BRCA2: variants seen among roughly 807,000 people sequenced by gnomAD.
The protein encoded by BRCA2 is BRCA2 DNA repair associated.
Under a neutral mutation model 276.7 loss-of-function variants are expected in BRCA2, and 203 were observed. The observed-to-expected ratio is 0.73, with a 90% CI of 0.65 to 0.82. The LOEUF (loss-of-function observed/expected upper bound fraction) is 0.82. Among genes scored for constraint, BRCA2 ranks in the 40% least tolerant of loss-of-function variants. BRCA2 has a pLI of 0.00. For synonymous variants in BRCA2, 1,289 were observed against 1,338.4 expected, an observed-to-expected ratio of 0.96 and a Z score of 0.81; for missense variants, 3,920 against 3,915.0, an observed-to-expected ratio of 1.00 and a Z score of -0.03.
chr13:32,358,154 A>G (rs1003004539), intron 16 of BRCA2, among the ~76,000 whole-genome samples: 2 of 152,194 alleles, frequency 1.3e-5, no homozygotes, highest in Admixed American at 1.3e-4. Context: ...CATTTTTCTT[A>G]GGCATTTATA....
Position 32,338,366 on chromosome 13 carries a change from T to G in BRCA2, c.4011T>G (p.Asp1337Glu), listed in dbSNP as rs2072493596. ...ASRNSHNLEF[D>E]GSDSSKNDTV... ...GAAATTCTCATAACTTAGAATTTGA[T>G]GGCAGTGATTCAAGTAAAAATGATA... Residue 1337 changes from aspartate to glutamate, a missense_variant, in exon 11 of 27, where the codon GAT becomes GAG. Physicochemically the swap from Asp to Glu is conservative, Grantham distance 45 (BLOSUM62 2). Transcript: ENST00000380152. 1 of 1,588,034 alleles carries G rather than the reference T, an allele frequency of 6.3e-7. No individual in the cohort carries two copies. The highest frequency in any genetic ancestry group is 8.5e-7 in the Non-Finnish European group (1 of 1,169,686).
chr13:32,373,588 A>G (rs753250472), intron 20 of BRCA2, among the ~76,000 whole-genome samples: 28 of 152,314 alleles, frequency 1.8e-4, no homozygotes, highest in Non-Finnish European at 2.4e-4. Context: ...TTAAAGCTCT[A>G]AAATCTCCTT....
chr13:32,394,424 T>C (rs887367901), intron 24 of BRCA2, among the ~76,000 whole-genome samples: 2 of 152,240 alleles, frequency 1.3e-5, no homozygotes, highest in African/African-American at 4.8e-5. Context: ...CACAAATCTG[T>C]ACTCCTGTTA....
At chr13:32,316,130 C>T (rs1404639384) in intron 1 of BRCA2, among the ~76,000 whole-genome samples, 2 of 151,406 alleles carry the variant, frequency 1.3e-5, no homozygotes, top group African/African-American at 2.5e-5. Flanking sequence ...AACTGGAGCC[C>T]TCTGTCCCCA....
At position 32,365,919 on chromosome 13, in the gene BRCA2, T is replaced by C. The variant is rs2072778871; in HGVS notation, c.8331+2386T>C. 2.0e-5 allele frequency among the ~76,000 whole-genome samples: 3 copies of C among 151,696 alleles called. 1 individual carries two copies. Among genetic ancestry groups the C allele is most frequent in the South Asian group, 4.1e-4 (2 of 4,820 alleles). The stretch of plus-strand genomic sequence containing the variant: ...TGATGTTTGGACACTAGGCCTCCTA[T>C]ATTGTTCCTATAATTTTCTTGTCTT... On this transcript the variant is annotated intron_variant, in intron 18 of 26. Transcript: ENST00000380152.
rs397507354 is a variant in BRCA2, at chr13:32,339,930, A to G, written c.5575A>G (p.Ile1859Val). 1 of 1,606,734 alleles carries G rather than the reference A, an allele frequency of 6.2e-7. No individual in the cohort carries two copies. Among genetic ancestry groups the G allele is most frequent in the Non-Finnish European group, 8.5e-7 (1 of 1,176,420 alleles). The change falls in exon 11 of 27, where the codon ATT (isoleucine) becomes GTT (valine). Residue 1859 changes from isoleucine (I) to valine (V), a missense_variant. Physicochemically the swap from Ile to Val is conservative, Grantham distance 29. Coordinates refer to ENST00000380152, the MANE Select transcript of BRCA2 (RefSeq NM_000059.4). ...GKIVCVSHETIKKVKDIFTDS... is the reference protein window; with the variant it reads ...GKIVCVSHETVKKVKDIFTDS... ...AATCGTTTGTGTTTCACATGAAACA[A>G]TTAAAAAAGTGAAAGACATATTTAC...
chr13:32,319,644 T>C (rs950355854), intron 3 of BRCA2, among the ~76,000 whole-genome samples: 1 of 152,184 alleles, frequency 6.6e-6, no homozygotes, highest in Non-Finnish European at 1.5e-5. Context: ...AACTAAACTA[T>C]ATTTCTGCAA....
intron 24 of BRCA2, among the ~76,000 whole-genome samples, chr13:32,390,352 G>A (rs2072988577): frequency 1.3e-5 from 2 of 152,078 alleles, no homozygotes; most frequent in Admixed American, 1.3e-4. Context: ...AGGACTTTGG[G>A]AGGCTGAGGC....
At chr13:32,348,412 T>A (rs1444327274) in intron 13 of BRCA2, among the ~76,000 whole-genome samples, 1 of 151,972 alleles carries the variant, frequency 6.6e-6, no homozygotes, top group Non-Finnish European at 1.5e-5. Flanking sequence ...TTTAGAATAA[T>A]AGAGGCAGAC....
At position 32,317,638 on chromosome 13, in the gene BRCA2, A is replaced by G. The variant is rs540740457; in HGVS notation, c.67+1111A>G. ...TCCAAATATTGATAAATTGCATTAA[A>G]CTATTTTAAAAATCTCATTCATTAA... On this transcript the variant is annotated intron_variant, in intron 2 of 26. Transcript: ENST00000380152. Among the ~76,000 whole-genome samples the G allele has an allele frequency of 2.6e-5, 4 of 152,372 alleles. No individual in the cohort carries two copies. The South Asian group carries it at 8.3e-4, about 32-fold the overall frequency.
chr13:32,344,170 A>C (rs1238255381), intron 11 of BRCA2, among the ~76,000 whole-genome samples: 1 of 149,136 alleles, frequency 6.7e-6, no homozygotes, highest in East Asian at 1.9e-4. Flanking sequence ...CGTGCTGAAA[A>C]AAAAAAAAAA....
At chr13:32,394,011 T>G (rs1804653539) in intron 24 of BRCA2, among the ~76,000 whole-genome samples, 1 of 152,228 alleles carries the variant, frequency 6.6e-6, no homozygotes, top group Non-Finnish European at 1.5e-5. Flanking sequence ...ACATGTGTAT[T>G]TTCTTATATT....
Position 32,398,622 on chromosome 13 carries a change from G to C in BRCA2, c.10109G>C (p.Arg3370Thr), listed in dbSNP as rs2137666701. The change falls in exon 27 of 27, where the codon AGG becomes ACG. Residue 3370 changes from arginine to threonine, a missense_variant. Physicochemically the swap from Arg to Thr is moderately conservative, Grantham distance 71. Coordinates refer to ENST00000380152, the MANE Select transcript of BRCA2 (RefSeq NM_000059.4). ...KQFISVSEST[R>T]TAPTSSEDYL... ...TTTATATCTGTCAGTGAATCCACTA[G>C]GACTGCTCCCACCAGTTCAGAAGAT... 1 of 1,614,154 alleles carries C rather than the reference G, an allele frequency of 6.2e-7. No individual in the cohort carries two copies. Among genetic ancestry groups the C allele is most frequent in the East Asian group, 2.2e-5 (1 of 44,882 alleles).
intron 24 of BRCA2, chr13:32,384,783 C>A: frequency 3.8e-6 from 1 of 265,578 alleles, no homozygotes; most frequent in South Asian, 7.6e-5. Flanking sequence ...AGTCTTGGAC[C>A]AGATTGGGTT....
chr13:32,329,380 A>G, intron 7 of BRCA2, 63 bp from the exon 8 acceptor site: 1 of 1,209,210 alleles, frequency 8.3e-7, no homozygotes, highest in Admixed American at 2.0e-5. Flanking sequence ...TTGATGTCTG[A>G]CAAAAAATAA....
rs80359810 is a variant in BRCA2, at chr13:32,398,233, T to C, written c.9720T>C (p.Val3240=). ...TTTGTATGGCCAAAAGGAAGTCTGT[T>C]TCCACACCTGTCTCAGCCCAGATGA... ...LSLCMAKRKS[V]STPVSAQMTS... The change falls in exon 27 of 27, where the codon GTT becomes GTC. Residue 3240 remains valine, a synonymous_variant. Coordinates refer to ENST00000380152, the MANE Select transcript of BRCA2 (RefSeq NM_000059.4). The C allele has an allele frequency of 7.2e-5, 116 of 1,613,786 alleles. No homozygotes were observed. In the African/African-American group the frequency reaches 1.4e-3, roughly 19 times the overall value.
chr13:32,341,330 G>A (rs951655305), intron 11 of BRCA2, 134 bp downstream of exon 11: 3 of 1,285,348 alleles, frequency 2.3e-6, no homozygotes, highest in African/African-American at 1.5e-5. Context: ...TCAGTTTGGG[G>A]GAGTATGGTT....
At chr13:32,378,173 C>G (rs1354949055) in intron 21 of BRCA2, among the ~76,000 whole-genome samples, 1 of 152,140 alleles carries the variant, frequency 6.6e-6, no homozygotes, top group Non-Finnish European at 1.5e-5. Context: ...CAAAATTTAA[C>G]AATATTTTTT....
chr13:32,340,674 C>G lies in BRCA2; in HGVS notation c.6319C>G (p.Pro2107Ala), dbSNP rs1593908231. ...TSRQNVSKILPRVDKRNPEHC... is the reference protein window; with the variant it reads ...TSRQNVSKILARVDKRNPEHC... Reference sequence around the variant, plus strand: ...TAGACAAAATGTATCAAAAATACTTCCTCGTGTTGATAAGAGAAACCCAGA... The same window carrying G: ...TAGACAAAATGTATCAAAAATACTTGCTCGTGTTGATAAGAGAAACCCAGA... The change falls in exon 11 of 27, where the codon CCT becomes GCT. Residue 2107 changes from proline to alanine, a missense_variant. Pro to Ala is a conservative substitution (Grantham distance 27). This residue lies in a region of BRCA2 where 3,263 missense variants were observed against 3,156.9 expected (regional missense o/e 1.03). Coordinates refer to ENST00000380152, the MANE Select transcript of BRCA2 (RefSeq NM_000059.4). The G allele has an allele frequency of 6.2e-7, 1 of 1,608,786 alleles. No homozygotes were observed. Among genetic ancestry groups the G allele is most frequent in the Non-Finnish European group, 8.5e-7 (1 of 1,178,782 alleles).
Sources: allele counts gnomAD v4.1 joint callset (sites outside exome capture counted in the v4.1 genomes callset), GRCh38; gene constraint gnomAD v4.1.1; regional missense constraint gnomAD v4.1.1; transcripts MANE v1.5; gene names NCBI Gene and HGNC (gene_info 2026-07-23, HGNC 2026-07-21).